Variants in USH2A observed in about 807,000 individuals in gnomAD.
USH2A encodes the protein usherin.
USH2A carries 443 observed loss-of-function variants against 538.9 expected under a neutral mutation model. The ratio of observed to expected loss-of-function variants is 0.82; its 90% CI spans 0.76 to 0.89. The LOEUF is 0.89. Among genes scored for constraint, USH2A ranks in the 40% least tolerant of loss-of-function variants. The pLI is 0.00. For missense variants in USH2A, 6,633 were observed against 6,324.8 expected (o/e 1.05, Z -1.65); for synonymous variants, 2,413 against 2,273.5 (o/e 1.06, Z -1.75).
chr1:216,398,003 C>A (rs915124248), intron 3 of USH2A, among the ~76,000 whole-genome samples: 1 of 152,182 alleles, frequency 6.6e-6, no homozygotes, highest in Non-Finnish European at 1.5e-5. Context: ...ATAGACTTCG[C>A]AATATTTGAC....
At chr1:215,630,409 T>C (rs537276684) in intron 70 of USH2A, 2 of 384,552 alleles carry the variant, frequency 5.2e-6, no homozygotes, top group East Asian at 1.4e-4. Flanking sequence ...TATGTATATA[T>C]GTGTGTGTAT....
chr1:215,675,316 C>T lies in USH2A; in HGVS notation c.12595G>A (p.Ala4199Thr), dbSNP rs1364867539. Residue 4199 changes from alanine (A) to threonine (T), a missense_variant, in exon 63 of 72, where the codon GCT (alanine) becomes ACT (threonine). By Grantham distance (58) the Ala-to-Thr change is moderately conservative. Transcript: ENST00000307340. ...GCCTGGATTGTCTGATTTCCCCAAG[C>T]TTTTCCCTCGAAGCATCTGCGAATC... Reference protein sequence around the residue: ...EVIRRCFEGKAWGNQTIQADE... With the variant: ...EVIRRCFEGKTWGNQTIQADE... 5.6e-6 allele frequency: 9 copies of T among 1,614,120 alleles called. No homozygotes were observed. Among genetic ancestry groups the T allele is most frequent in the Non-Finnish European group, 7.6e-6 (9 of 1,180,030 alleles).
At chr1:216,142,802 A>G (rs959394879) in intron 21 of USH2A, among the ~76,000 whole-genome samples, 2 of 152,162 alleles carry the variant, frequency 1.3e-5, no homozygotes, top group Non-Finnish European at 2.9e-5. Context: ...TTTAGTCTCC[A>G]CAGCCTAATT....
chr1:216,247,681 G>C (rs1299375703), intron 12 of USH2A, among the ~76,000 whole-genome samples: 1 of 152,074 alleles, frequency 6.6e-6, no homozygotes, highest in Admixed American at 6.6e-5. Context: ...GAATGAATAA[G>C]TTCTGGAGCT....
At chr1:216,257,574 A>G (rs2036282929) in intron 11 of USH2A, among the ~76,000 whole-genome samples, 1 of 151,554 alleles carries the variant, frequency 6.6e-6, no homozygotes, top group South Asian at 2.1e-4. Context: ...TTGTGGCTTT[A>G]TGGTTTTCAG....
At chr1:216,364,926 A>G in intron 4 of USH2A, 27 bp downstream of exon 4, 1 of 1,612,958 alleles carries the variant, frequency 6.2e-7, no homozygotes, top group Non-Finnish European at 8.5e-7. Context: ...GGATGAAATA[A>G]ATAACATTCT....
At chr1:215,928,824 C>T (rs565913653) in intron 38 of USH2A, among the ~76,000 whole-genome samples, 3 of 152,070 alleles carry the variant, frequency 2.0e-5, no homozygotes, top group East Asian at 1.9e-4. Flanking sequence ...CAGCAATACC[C>T]GAAAGAATAT....
At chr1:215,861,679 C>G (rs970629823) in intron 44 of USH2A, among the ~76,000 whole-genome samples, 1 of 152,128 alleles carries the variant, frequency 6.6e-6, no homozygotes, top group Admixed American at 6.5e-5. Flanking sequence ...TGCAGATTGT[C>G]TTTCACTTTC....
chr1:216,033,080 C>T (rs1669166904), intron 32 of USH2A, among the ~76,000 whole-genome samples: 2 of 152,122 alleles, frequency 1.3e-5, no homozygotes, highest in Admixed American at 1.3e-4. Flanking sequence ...AATCTTCTTC[C>T]TCATCTGCTG....
intron 32 of USH2A, among the ~76,000 whole-genome samples, chr1:216,014,618 T>C (rs1477264119): frequency 6.6e-6 from 1 of 152,214 alleles, no homozygotes; most frequent in East Asian, 1.9e-4. Context: ...CAACAACATC[T>C]TGTTTTCCAT....
At chr1:216,094,881 G>GT (rs1339363992) in intron 22 of USH2A, among the ~76,000 whole-genome samples, 1 of 152,058 alleles carries the variant, frequency 6.6e-6, no homozygotes, top group Non-Finnish European at 1.5e-5. Flanking sequence ...TTCCTCACCT[G>GT]TAAAATGGGA....
intron 55 of USH2A, 76 bp downstream of exon 55, chr1:215,779,767 C>G: frequency 6.4e-7 from 1 of 1,556,938 alleles, no homozygotes; most frequent in Non-Finnish European, 8.7e-7. Flanking sequence ...CAAACACACA[C>G]CCCTGGGATG....
intron 2 of USH2A, 46 bp from the exon 3 acceptor site, chr1:216,418,725 A>G (rs767722593): frequency 6.2e-7 from 1 of 1,604,474 alleles, no homozygotes; most frequent in Non-Finnish European, 8.5e-7. Context: ...CATCCAACCA[A>G]AAAGACATGC....
At chr1:215,757,978 T>C (rs1396876509) in intron 58 of USH2A, among the ~76,000 whole-genome samples, 3 of 152,142 alleles carry the variant, frequency 2.0e-5, no homozygotes, top group Non-Finnish European at 1.5e-5. Flanking sequence ...CCTATATGAC[T>C]TGCATTGGAT....
intron 35 of USH2A, among the ~76,000 whole-genome samples, chr1:215,972,029 G>A (rs759915803): frequency 2.6e-5 from 4 of 152,102 alleles, no homozygotes; most frequent in Admixed American, 6.6e-5. Context: ...TGTGAATGCC[G>A]AGTAGCTAAG....
At chr1:215,684,395 A>G in intron 61 of USH2A, among the ~76,000 whole-genome samples, 1 of 152,174 alleles carries the variant, frequency 6.6e-6, no homozygotes, top group East Asian at 1.9e-4. Context: ...AAAAATTACC[A>G]TTGATCTGTA....
At chr1:215,733,385 G>C (rs964419892) in intron 60 of USH2A, among the ~76,000 whole-genome samples, 2 of 152,268 alleles carry the variant, frequency 1.3e-5, no homozygotes, top group South Asian at 4.1e-4. Flanking sequence ...TTTTTAGCAT[G>C]AGATTTAGAG....
chr1:215,915,506 C>G (rs1378182731), intron 38 of USH2A, among the ~76,000 whole-genome samples: 2 of 152,084 alleles, frequency 1.3e-5, no homozygotes, highest in Non-Finnish European at 2.9e-5. Context: ...GTCTGTTACT[C>G]TCTCTTTCTC....
chr1:215,632,564 C>T (rs975522241), intron 70 of USH2A, among the ~76,000 whole-genome samples: 1 of 152,166 alleles, frequency 6.6e-6, no homozygotes, highest in East Asian at 1.9e-4. Flanking sequence ...GACTTCTGGA[C>T]ATTGCTGGTA....
Sources: gnomAD v4.1 joint callset for allele counts (sites outside exome capture counted in the v4.1 genomes callset) on GRCh38, gnomAD v4.1.1 for gene constraint, MANE v1.5 for transcripts, NCBI Gene and HGNC (gene_info 2026-07-23, HGNC 2026-07-21) for gene names.